LANCL2: variants seen among roughly 807,000 people sequenced by gnomAD.
LANCL2 encodes the protein lanC-like protein 2.
LANCL2 carries 33 observed loss-of-function variants against 56.9 expected under a neutral mutation model. The observed-to-expected ratio is 0.58, with a 90% CI of 0.44 to 0.78. LANCL2 has a LOEUF of 0.78. Among genes scored for constraint, LANCL2 ranks in the 30% least tolerant of loss-of-function variants. The pLI is 0.00. For missense variants in LANCL2, 562 were observed against 580.2 expected (o/e 0.97, Z 0.32); for synonymous variants, 233 against 228.2 (o/e 1.02, Z -0.19).
chr7:55,388,688 T>C (rs1322042251), intron 1 of LANCL2, among the ~76,000 whole-genome samples: 2 of 152,206 alleles, frequency 1.3e-5, no homozygotes, highest in African/African-American at 2.4e-5. Context: ...ATCTCAGACC[T>C]ACATGGTATA....
chr7:55,411,226 T>A (rs1790466791), intron 5 of LANCL2: 1 of 149,190 alleles, frequency 6.7e-6, no homozygotes, highest in African/African-American at 2.6e-5. Flanking sequence ...TTTATTTAAG[T>A]CCTTTTAAAA....
At chr7:55,406,017 C>A (rs1032416020) in intron 5 of LANCL2, among the ~76,000 whole-genome samples, 1 of 152,152 alleles carries the variant, frequency 6.6e-6, no homozygotes, top group African/African-American at 2.4e-5. Flanking sequence ...TACAGGGTTA[C>A]AGCCTGCAGC....
chr7:55,407,033 G>C (rs779076479), intron 5 of LANCL2, among the ~76,000 whole-genome samples: 1 of 152,174 alleles, frequency 6.6e-6, no homozygotes, highest in Non-Finnish European at 1.5e-5. Flanking sequence ...ATTGCCATAC[G>C]TGGGCTTGGG....
chr7:55,372,061 T>C (rs1257870300), intron 1 of LANCL2, among the ~76,000 whole-genome samples: 1 of 152,202 alleles, frequency 6.6e-6, no homozygotes. Context: ...AGTCTGCATT[T>C]TAACAAGATC....
intron 6 of LANCL2, among the ~76,000 whole-genome samples, chr7:55,415,242 A>G (rs1790514560): frequency 6.6e-6 from 1 of 152,188 alleles, no homozygotes; most frequent in South Asian, 2.1e-4. Context: ...GCAATGTCCA[A>G]AAAAAGCATA....
At chr7:55,422,881 G>A (rs192274337) in intron 6 of LANCL2, among the ~76,000 whole-genome samples, 4 of 152,204 alleles carry the variant, frequency 2.6e-5, no homozygotes, top group African/African-American at 4.8e-5. Context: ...TATTTCTGAC[G>A]TTTGGGTCAT....
intron 6 of LANCL2, among the ~76,000 whole-genome samples, chr7:55,415,005 AAG>A (rs1790511649): frequency 6.0e-5 from 9 of 149,046 alleles, no homozygotes; most frequent in African/African-American, 2.0e-4. Context: ...AAAAAAAGAA[AAG>A]AAAAGAAAAA....
chr7:55,373,018 C>A (rs1291811059), intron 1 of LANCL2, among the ~76,000 whole-genome samples: 1 of 152,214 alleles, frequency 6.6e-6, no homozygotes, highest in Non-Finnish European at 1.5e-5. Flanking sequence ...ATTCTACCCA[C>A]AGTAGAACCT....
At chr7:55,426,211 G>T (rs773452277) in intron 7 of LANCL2, among the ~76,000 whole-genome samples, 137 of 152,178 alleles carry the variant, frequency 9.0e-4, no homozygotes, top group Non-Finnish European at 1.8e-3. Context: ...TAAGCTTCTT[G>T]ATCTTGTCTG....
intron 6 of LANCL2, among the ~76,000 whole-genome samples, chr7:55,423,114 T>C (rs772776481): frequency 1.3e-5 from 2 of 152,254 alleles, no homozygotes; most frequent in Non-Finnish European, 2.9e-5. Flanking sequence ...ATTGCTGTAA[T>C]ACAATGTGGA....
At chr7:55,424,794 C>T (rs1212005914) in intron 6 of LANCL2, among the ~76,000 whole-genome samples, 2 of 152,198 alleles carry the variant, frequency 1.3e-5, no homozygotes, top group South Asian at 2.1e-4. Flanking sequence ...TATTTACAGT[C>T]GCTCCCCATC....
chr7:55,367,512 C>A (rs562902736), intron 1 of LANCL2, among the ~76,000 whole-genome samples: 10 of 152,330 alleles, frequency 6.6e-5, no homozygotes, highest in African/African-American at 2.4e-4. Flanking sequence ...ATTGCTTGAG[C>A]CCAGCAGTTC....
rs1431053706 is a variant in LANCL2, at chr7:55,401,273, G to A, written c.778G>A (p.Val260Ile). 2.5e-6 allele frequency: 4 copies of A among 1,614,052 alleles called. No individual in the cohort carries two copies. The highest frequency in any genetic ancestry group is 1.3e-5 in the African/African-American group (1 of 74,934). Residue 260 changes from valine to isoleucine, a missense_variant, in exon 5 of 9, where the codon GTT becomes ATT. Transcript: ENST00000254770. ...LLYQWHRKQY[V>I]GAAHGMAGIY... ...GTACCAGTGGCACCGGAAGCAGTACGTTGGAGCAGCCCATGGCATGGCTGG... is the reference window on the plus strand; with the variant it reads ...GTACCAGTGGCACCGGAAGCAGTACATTGGAGCAGCCCATGGCATGGCTGG...
At chr7:55,410,390 A>G (rs891842846) in intron 5 of LANCL2, among the ~76,000 whole-genome samples, 6 of 152,216 alleles carry the variant, frequency 3.9e-5, no homozygotes, top group Non-Finnish European at 7.3e-5. Flanking sequence ...GTTTTATTTC[A>G]ATGAAATTTA....
At position 55,366,364 on chromosome 7, in the gene LANCL2, C is replaced by T. The variant is rs564292519; in HGVS notation, c.204+135C>T. 266 of 705,684 alleles carry T rather than the reference C, an allele frequency of 3.8e-4. 3 individuals carry two copies. The African/African-American group carries it at 4.7e-3, about 12-fold the overall frequency. The allele number at this position is 705,684 out of a possible 1,614,324, so 43.7% of individuals were successfully genotyped here. A position where few individuals can be genotyped will look rare whatever the true frequency, so the allele number is the denominator to read the frequency against. ...CGGGATGATAGCGCCTAGCACCTGT[C>T]TCCGGGCCTTCCCGATGAGCCGCGC... On this transcript the variant is annotated intron_variant, in intron 1 of 8. Transcript: ENST00000254770.
chr7:55,370,590 A>G (rs1029150860), intron 1 of LANCL2, among the ~76,000 whole-genome samples: 2 of 152,238 alleles, frequency 1.3e-5, no homozygotes, highest in African/African-American at 4.8e-5. Context: ...GACAATATGT[A>G]AAGAATATCT....
At chr7:55,391,705 A>C in intron 1 of LANCL2, 88 bp from the exon 2 acceptor site, 1 of 732,798 alleles carries the variant, frequency 1.4e-6, no homozygotes, top group Non-Finnish European at 2.4e-6. Context: ...TCTGTCTGTT[A>C]TGTTTGTACA....
chr7:55,389,465 G>A (rs2128992578), intron 1 of LANCL2, among the ~76,000 whole-genome samples: 1 of 152,376 alleles, frequency 6.6e-6, no homozygotes, highest in East Asian at 1.9e-4. Flanking sequence ...GGATGGCCAA[G>A]TAAGCAAGCA....
chr7:55,365,503 T>C lies in LANCL2; in HGVS notation c.-523T>C, dbSNP rs951860485. ...AGGCTGACGACGGCGCGCCAGGGGC[T>C]GAGCTCGCCCCGGTCGGCGACGCGC... On this transcript the variant is annotated 5_prime_UTR_variant, in exon 1 of 9. Transcript: ENST00000254770. 1.3e-5 allele frequency: 2 copies of C among 152,418 alleles called. No individual in the cohort carries two copies. Among genetic ancestry groups the C allele is most frequent in the Admixed American group, 1.3e-4 (2 of 15,294 alleles). The allele number at this position is 152,418 out of a possible 1,614,324, so 9.4% of individuals were successfully genotyped here.
Sources: gnomAD v4.1 joint callset for allele counts (sites outside exome capture counted in the v4.1 genomes callset) on GRCh38, gnomAD v4.1.1 for gene constraint, MANE v1.5 for transcripts, NCBI Gene and HGNC (gene_info 2026-07-23, HGNC 2026-07-21) for gene names.